KIF13A: variants seen among roughly 807,000 people sequenced by gnomAD.
KIF13A encodes the protein kinesin family member 13A, also known as kinesin-like protein KIF13A.
Under a neutral mutation model 212.2 loss-of-function variants are expected in KIF13A, and 79 were observed. That is an observed-to-expected ratio of 0.37 (90% confidence interval 0.31 to 0.45). The LOEUF is 0.45. Among genes scored for constraint, KIF13A ranks in the 20% least tolerant of loss-of-function variants. The pLI is 1.00. For synonymous variants in KIF13A, 789 were observed against 808.6 expected (o/e 0.98, Z 0.41); for missense variants, 1,901 against 2,209.0 (o/e 0.86, Z 2.79).
chr6:17,943,256 GA>G (rs1014901507), intron 2 of KIF13A, among the ~76,000 whole-genome samples: 1 of 152,048 alleles, frequency 6.6e-6, no homozygotes, highest in African/African-American at 2.4e-5. Flanking sequence ...ACTGGTCACT[GA>G]AAAACAATCT....
intron 16 of KIF13A, among the ~76,000 whole-genome samples, chr6:17,817,840 A>G (rs1354256309): frequency 1.3e-5 from 2 of 152,212 alleles, no homozygotes; most frequent in Admixed American, 1.3e-4. Flanking sequence ...AAAAATAATA[A>G]AAACCTGTTT....
At chr6:17,956,761 T>C (rs374863368) in intron 2 of KIF13A, among the ~76,000 whole-genome samples, 1 of 152,032 alleles carries the variant, frequency 6.6e-6, no homozygotes, top group South Asian at 2.1e-4. Flanking sequence ...CCAGAGAGGG[T>C]CCTGCTCTAT....
At chr6:17,940,504 A>C (rs1487615726) in intron 2 of KIF13A, among the ~76,000 whole-genome samples, 4 of 152,216 alleles carry the variant, frequency 2.6e-5, no homozygotes, top group Admixed American at 1.3e-4. Context: ...AAAATCAACC[A>C]CAGATAGAGC....
chr6:17,767,722 A>G (rs1176954861), intron 38 of KIF13A, among the ~76,000 whole-genome samples: 1 of 152,272 alleles, frequency 6.6e-6, no homozygotes, highest in East Asian at 1.9e-4. Flanking sequence ...AAATTTAAAA[A>G]TGAGAATTAG....
rs1385695013 is a variant in KIF13A at position 17,799,341 on chromosome 6, G to C, written c.2715C>G (p.Ala905=). Residue 905 remains alanine, a synonymous_variant, in exon 22 of 39, where the codon GCC becomes GCG. Coordinates refer to ENST00000259711, the MANE Select transcript of KIF13A (RefSeq NM_022113.6). The surrounding 1 kb of genome is among the most constrained non-coding windows in gnomAD (Gnocchi z 4.4). ...AAGGCACCTCGGGGTCCACCACCGG[G>C]GCAGCCACCGTAGACTCACACTGGT... The part of the protein sequence containing the change: ...FWDQCESTVA[A]PVVDPEVPSP... 1.2e-5 allele frequency: 20 copies of C among 1,613,102 alleles called. No individual in the cohort carries two copies. Among genetic ancestry groups the C allele is most frequent in the Non-Finnish European group, 1.6e-5 (19 of 1,179,550 alleles).
intron 3 of KIF13A, among the ~76,000 whole-genome samples, chr6:17,877,235 T>C (rs2150443793): frequency 1.3e-5 from 2 of 151,900 alleles, no homozygotes; most frequent in Middle Eastern, 6.9e-3. Flanking sequence ...CTGATTTAGG[T>C]ATATATGATG....
chr6:17,876,749 C>T (rs1305667953), intron 3 of KIF13A, among the ~76,000 whole-genome samples: 2 of 152,154 alleles, frequency 1.3e-5, no homozygotes, highest in Non-Finnish European at 2.9e-5. Flanking sequence ...ATCCTACCTC[C>T]TCAGCCTCCT....
intron 2 of KIF13A, among the ~76,000 whole-genome samples, chr6:17,969,909 T>C (rs1482743530): frequency 1.3e-5 from 2 of 151,604 alleles, no homozygotes; most frequent in East Asian, 3.9e-4. Context: ...TAAATGCCTG[T>C]GTATTTACTT....
chr6:17,954,695 C>T (rs987283749), intron 2 of KIF13A, among the ~76,000 whole-genome samples: 1 of 152,040 alleles, frequency 6.6e-6, no homozygotes, highest in African/African-American at 2.4e-5. Context: ...TTGTTAGAGA[C>T]AGGATCTCAC....
Position 17,849,451 on chromosome 6 carries a change from G to A in KIF13A, c.756C>T (p.Asp252=). Residue 252 remains aspartate, a synonymous_variant, in exon 9 of 39, where the codon GAC becomes GAT. Coordinates refer to ENST00000259711, the MANE Select transcript of KIF13A (RefSeq NM_022113.6). The surrounding 1 kb of genome is among the most constrained non-coding windows in gnomAD (Gnocchi z 5.7). ...GEKVSKVSLV[D]LAGSERVSKT... Reference sequence around the variant, plus strand: ...TAGATACTCTTTCGCTACCCGCCAGGTCTACCAAGCTGACCTTACTGACTT... The same window carrying A: ...TAGATACTCTTTCGCTACCCGCCAGATCTACCAAGCTGACCTTACTGACTT... 1 of 1,613,690 alleles carries A rather than the reference G, an allele frequency of 6.2e-7. No individual in the cohort carries two copies. Among genetic ancestry groups the A allele is most frequent in the Non-Finnish European group, 8.5e-7 (1 of 1,179,778 alleles).
At chr6:17,853,397 G>T (rs1467735123) in intron 6 of KIF13A, among the ~76,000 whole-genome samples, 1 of 152,128 alleles carries the variant, frequency 6.6e-6, no homozygotes, top group African/African-American at 2.4e-5. Flanking sequence ...ACTGCTGGTG[G>T]GGGTGGAAAT....
chr6:17,973,775 T>C (rs1780028746), intron 2 of KIF13A, among the ~76,000 whole-genome samples: 1 of 152,222 alleles, frequency 6.6e-6, no homozygotes, highest in Non-Finnish European at 1.5e-5. Flanking sequence ...CACTGTGCCA[T>C]GCTGCTGCTC....
rs1485260645 is a variant in KIF13A, at chr6:17,859,620, T to TTTTATATATATATATATATATA, written c.221-3499_221-3498insTATATATATATATATATATAAA. Among the ~76,000 whole-genome samples, 8 of 131,550 alleles carry TTTTATATATATATATATATATA rather than the reference T, an allele frequency of 6.1e-5. 1 individual carries two copies. Among genetic ancestry groups the TTTTATATATATATATATATATA allele is most frequent in the Non-Finnish European group, 1.1e-4 (7 of 61,764 alleles). The allele number at this position is 131,550 out of a possible 152,430, so 86.3% of individuals were successfully genotyped here. A position where few individuals can be genotyped will look rare whatever the true frequency, so the allele number is the denominator to read the frequency against. ...TCAACTGTCCTGCTGGCAATGTATT[T>TTTTATATATATATATATATATA]TATATATATATATATATATTTTTTT... On this transcript the variant is annotated intron_variant, in intron 4 of 38. Transcript: ENST00000259711.
In KIF13A at chr6:17,836,909, T is replaced by A; in HGVS notation, c.1124A>T (p.Glu375Val). 1 of 1,613,916 alleles carries A rather than the reference T, an allele frequency of 6.2e-7. No homozygotes were observed. The highest frequency in any genetic ancestry group is 1.1e-5 in the South Asian group (1 of 91,080). ...KVIRELREEV[E>V]KLREQLSQAE... The stretch of plus-strand genomic sequence containing the variant: ...CTGAGAGAGCTGCTCTCTCAGTTTC[T>A]CGACTTCCTCCCGCAGTTCTCGGAT... Residue 375 changes from glutamate (E) to valine (V), a missense_variant, in exon 11 of 39, where the codon GAG becomes GTG. By Grantham distance (121) the Glu-to-Val change is moderately radical (BLOSUM62 -2). This residue lies in a region of KIF13A where 506 missense variants were observed against 637.4 expected (regional missense o/e 0.79). Transcript: ENST00000259711.
At chr6:17,813,593 TCA>T (rs1763625541) in intron 17 of KIF13A, among the ~76,000 whole-genome samples, 1 of 152,204 alleles carries the variant, frequency 6.6e-6, no homozygotes, top group Non-Finnish European at 1.5e-5. Context: ...TCTCTTCTCT[TCA>T]TTTAACATTA....
At chr6:17,976,880 T>TC (rs1780579782) in intron 2 of KIF13A, among the ~76,000 whole-genome samples, 1 of 149,956 alleles carries the variant, frequency 6.7e-6, no homozygotes, top group Non-Finnish European at 1.5e-5. Flanking sequence ...GGTGGGTGGA[T>TC]CACGAGGTCA....
intron 3 of KIF13A, among the ~76,000 whole-genome samples, chr6:17,874,361 T>C (rs549639110): frequency 2.6e-5 from 4 of 152,178 alleles, no homozygotes; most frequent in African/African-American, 9.6e-5. Flanking sequence ...GTGAAGCAAC[T>C]TTACATGTTT....
intron 20 of KIF13A, among the ~76,000 whole-genome samples, chr6:17,802,941 TG>T (rs200135673): frequency 0.18 from 25,688 of 145,298 alleles, 2,768 homozygotes; most frequent in Admixed American, 0.27. Flanking sequence ...TGTTTTTTTT[TG>T]TTTTGTTTTG....
intron 12 of KIF13A, among the ~76,000 whole-genome samples, chr6:17,833,497 CAAA>C (rs59654452): frequency 0.2 from 19,226 of 97,738 alleles, 1,465 homozygotes; most frequent in Admixed American, 0.31. Context: ...ACCTTGTCTT[CAAA>C]AAAAAAAAAA....
Sources: allele counts gnomAD v4.1 joint callset (sites outside exome capture counted in the v4.1 genomes callset), GRCh38; gene constraint gnomAD v4.1.1; regional missense constraint gnomAD v4.1.1; non-coding constraint Gnocchi (gnomAD v3.1); transcripts MANE v1.5; gene names NCBI Gene and HGNC (gene_info 2026-07-23, HGNC 2026-07-21).